FAM227B: variants seen among roughly 807,000 people sequenced by gnomAD.
FAM227B encodes the protein family with sequence similarity 227 member B, also known as protein FAM227B.
FAM227B carries 88 observed loss-of-function variants against 73.8 expected under a neutral mutation model. The observed-to-expected ratio is 1.19, with a 90% CI of 1.00 to 1.42. FAM227B has a LOEUF of 1.42. Among genes scored for constraint, FAM227B ranks in the 40% most tolerant of loss-of-function variants. The pLI is 0.00. For missense variants in FAM227B, 632 were observed against 590.9 expected (o/e 1.07, Z -0.72); for synonymous variants, 210 against 190.5 (o/e 1.10, Z -0.84).
At chr15:49,388,888 C>A (rs572693719) in intron 11 of FAM227B, among the ~76,000 whole-genome samples, 1 of 151,850 alleles carries the variant, frequency 6.6e-6, no homozygotes, top group South Asian at 2.1e-4. Context: ...ATGAAAAAGT[C>A]CTCAACATCA....
At chr15:49,455,782 G>A (rs1317680320) in intron 11 of FAM227B, among the ~76,000 whole-genome samples, 1 of 152,104 alleles carries the variant, frequency 6.6e-6, no homozygotes, top group Non-Finnish European at 1.5e-5. Context: ...ATGGTCAATA[G>A]AAGAAATTTT....
chr15:49,376,622 T>C (rs1384813549), intron 11 of FAM227B, among the ~76,000 whole-genome samples: 1 of 152,138 alleles, frequency 6.6e-6, no homozygotes, highest in Admixed American at 6.5e-5. Flanking sequence ...CATTTCCATA[T>C]GAATTTCTAT....
chr15:49,538,992 C>T (rs776110214), intron 10 of FAM227B, among the ~76,000 whole-genome samples: 1 of 152,058 alleles, frequency 6.6e-6, no homozygotes, highest in Non-Finnish European at 1.5e-5. Flanking sequence ...TTGGCGGTAT[C>T]ATGTTTGTTT....
intron 11 of FAM227B, among the ~76,000 whole-genome samples, chr15:49,499,318 T>C (rs774410186): frequency 6.6e-6 from 1 of 151,832 alleles, no homozygotes; most frequent in Non-Finnish European, 1.5e-5. Flanking sequence ...ATAATCAAAA[T>C]TGAAAATTTA....
chr15:49,331,679 A>C, intron 15 of FAM227B, 101 bp downstream of exon 15: 1 of 726,756 alleles, frequency 1.4e-6, no homozygotes. Flanking sequence ...CTGCCACTGT[A>C]ATTTGGGTGT....
chr15:49,491,825 A>T (rs1158430431), intron 11 of FAM227B, among the ~76,000 whole-genome samples: 1 of 151,900 alleles, frequency 6.6e-6, no homozygotes, highest in Non-Finnish European at 1.5e-5. Flanking sequence ...TGTATCAAGC[A>T]CTGTATGATA....
At position 49,483,922 on chromosome 15, in the gene FAM227B, C is replaced by G. The variant is rs146984438; in HGVS notation, c.1012+24289G>C. 5.4e-3 allele frequency among the ~76,000 whole-genome samples: 815 copies of G among 152,048 alleles called. 10 individuals carry two copies. Among genetic ancestry groups the G allele is most frequent in the African/African-American group, 0.019 (783 of 41,522 alleles). On this transcript the variant is annotated intron_variant, in intron 11 of 15. Coordinates refer to ENST00000299338, the MANE Select transcript of FAM227B (RefSeq NM_152647.3). The stretch of plus-strand genomic sequence containing the variant: ...ATAAAGTTGTGAAACAAGTCTCTCA[C>G]CTGAGGGAGGCAGAGGTTCTGCTAA...
At chr15:49,617,703 A>C (rs1442909693) in intron 1 of FAM227B, among the ~76,000 whole-genome samples, 2 of 152,120 alleles carry the variant, frequency 1.3e-5, no homozygotes, top group African/African-American at 2.4e-5. Flanking sequence ...AAAAAATCAC[A>C]AAGTTTATTA....
intron 13 of FAM227B, among the ~76,000 whole-genome samples, chr15:49,364,862 T>C (rs1456300156): frequency 2.0e-5 from 3 of 152,112 alleles, no homozygotes; most frequent in East Asian, 1.9e-4. Context: ...ATTTTTTTTT[T>C]TAAGAAAAAT....
At chr15:49,609,842 A>G (rs1006712050) in intron 3 of FAM227B, among the ~76,000 whole-genome samples, 2 of 151,998 alleles carry the variant, frequency 1.3e-5, no homozygotes, top group Admixed American at 1.3e-4. Flanking sequence ...AGAAAATATG[A>G]AAAGATTTAC....
chr15:49,343,348 C>T (rs2041021736), intron 13 of FAM227B, among the ~76,000 whole-genome samples: 1 of 151,952 alleles, frequency 6.6e-6, no homozygotes, highest in Admixed American at 6.6e-5. Context: ...TTGAAAATTT[C>T]AGTTGAGTTT....
chr15:49,413,850 A>G (rs2049035016), intron 11 of FAM227B, among the ~76,000 whole-genome samples: 1 of 150,162 alleles, frequency 6.7e-6, no homozygotes, highest in South Asian at 2.1e-4. Flanking sequence ...TGCTCTTGTT[A>G]CCTTTATCTA....
intron 9 of FAM227B, among the ~76,000 whole-genome samples, chr15:49,549,966 CCCCCCCA>C (rs2072603612): frequency 1.6e-5 from 2 of 124,036 alleles, no homozygotes; most frequent in Non-Finnish European, 3.7e-5. Flanking sequence ...GGGGGGCTGA[CCCCCCCA>C]CCTCCCTCCC....
At chr15:49,504,020 C>G (rs2058372517) in intron 11 of FAM227B, among the ~76,000 whole-genome samples, 1 of 151,964 alleles carries the variant, frequency 6.6e-6, no homozygotes, top group African/African-American at 2.4e-5. Context: ...AGACTTGGAG[C>G]CAAGCCAAAT....
chr15:49,544,759 TA>T (rs2071578351), intron 9 of FAM227B, among the ~76,000 whole-genome samples: 1 of 152,228 alleles, frequency 6.6e-6, no homozygotes, highest in African/African-American at 2.4e-5. Context: ...TCTATTGAGA[TA>T]AACATATGCT....
intron 11 of FAM227B, among the ~76,000 whole-genome samples, chr15:49,410,712 G>A (rs947434549): frequency 2.0e-5 from 3 of 151,898 alleles, no homozygotes; most frequent in African/African-American, 7.3e-5. Flanking sequence ...TACATGAATA[G>A]CTCTTTTAAA....
At chr15:49,541,837 T>G in intron 9 of FAM227B, 31 bp from the exon 10 acceptor site, 1 of 1,310,658 alleles carries the variant, frequency 7.6e-7, no homozygotes, top group Non-Finnish European at 9.9e-7. Flanking sequence ...TAGATTAATT[T>G]TATATTTTTA....
chr15:49,613,370 A>G lies in FAM227B; in HGVS notation c.51+1751T>C, dbSNP rs186286659. On this transcript the variant is annotated intron_variant, in intron 2 of 15. Transcript: ENST00000299338. ...CAGTCTCTTATAAAAATACAAAAAA[A>G]TTAGCCAGGTGTCCCAGCTACTCGA... Among the ~76,000 whole-genome samples the G allele has an allele frequency of 3.5e-3, 530 of 152,156 alleles. 5 individuals carry two copies. Among genetic ancestry groups the G allele is most frequent in the Middle Eastern group, 0.027 (8 of 294 alleles).
chr15:49,457,991 A>G (rs188454669), intron 11 of FAM227B, among the ~76,000 whole-genome samples: 127 of 152,046 alleles, frequency 8.4e-4, no homozygotes, highest in Non-Finnish European at 5.7e-4. Flanking sequence ...TTGATTGATA[A>G]TATTTTTTCC....
Sources: gnomAD v4.1 joint callset for allele counts (sites outside exome capture counted in the v4.1 genomes callset) on GRCh38, gnomAD v4.1.1 for gene constraint, MANE v1.5 for transcripts, NCBI Gene and HGNC (gene_info 2026-07-23, HGNC 2026-07-21) for gene names.